COL6A6: variants seen among roughly 807,000 people sequenced by gnomAD.
COL6A6 encodes collagen alpha-6(VI) chain.
In COL6A6, 183 loss-of-function variants were observed where a neutral mutation model predicts 208.6. That is an observed-to-expected ratio of 0.88 (90% CI 0.78 to 0.99). The LOEUF (loss-of-function observed/expected upper bound fraction) is 0.99. COL6A6 is among the 50% of genes least tolerant of loss of function. The probability of loss-of-function intolerance (pLI) is 0.00; values close to 1 mark genes in which losing one functional copy is unlikely to be tolerated. For missense variants in COL6A6, 2,816 were observed against 2,815.2 expected (o/e 1.00, Z -0.01); for synonymous variants, 973 against 1,011.8 (o/e 0.96, Z 0.73).
intron 1 of COL6A6, among the ~76,000 whole-genome samples, chr3:130,539,969 C>T (rs2062322128): frequency 6.6e-6 from 1 of 152,066 alleles, no homozygotes; most frequent in Admixed American, 6.5e-5. Context: ...AATTCTAACC[C>T]ACAGTTCATT....
intron 1 of COL6A6, among the ~76,000 whole-genome samples, chr3:130,527,470 G>A (rs564150638): frequency 6.6e-6 from 1 of 152,264 alleles, no homozygotes; most frequent in Admixed American, 6.5e-5. Flanking sequence ...CCCCCGCCAA[G>A]GGCATTTTGA....
At chr3:130,546,214 C>T (rs763874764) in intron 1 of COL6A6, among the ~76,000 whole-genome samples, 5 of 152,048 alleles carry the variant, frequency 3.3e-5, no homozygotes, top group African/African-American at 4.8e-5. Flanking sequence ...TTCTGACGTT[C>T]GGATGTGTTT....
intron 23 of COL6A6, among the ~76,000 whole-genome samples, chr3:130,614,924 A>G (rs6439251): frequency 0.32 from 48,478 of 151,632 alleles, 9,773 homozygotes; most frequent in African/African-American, 0.54. Flanking sequence ...GGTCTAGCTG[A>G]CTAGTCTATC....
At chr3:130,656,850 G>A (rs2065803812) in intron 33 of COL6A6, among the ~76,000 whole-genome samples, 1 of 152,260 alleles carries the variant, frequency 6.6e-6, no homozygotes. Context: ...CCCATGGTGT[G>A]TGCACACCTG....
intron 32 of COL6A6, among the ~76,000 whole-genome samples, chr3:130,648,265 T>C (rs957481050): frequency 3.3e-5 from 5 of 152,262 alleles, no homozygotes; most frequent in African/African-American, 1.2e-4. Flanking sequence ...ATGTATCTGT[T>C]AAAGCTTTCC....
chr3:130,535,481 C>T (rs2062201584), intron 1 of COL6A6, among the ~76,000 whole-genome samples: 1 of 151,884 alleles, frequency 6.6e-6, no homozygotes. Context: ...TTTTATTAGC[C>T]AGTGGTCTTG....
chr3:130,666,469 A>T (rs77447008), intron 36 of COL6A6, among the ~76,000 whole-genome samples: 1,729 of 152,260 alleles, frequency 0.011, 16 homozygotes, highest in Non-Finnish European at 0.016. Flanking sequence ...GAATGAATAT[A>T]TGTGTACATT....
At chr3:130,615,359 G>T (rs2064486221) in intron 23 of COL6A6, among the ~76,000 whole-genome samples, 1 of 152,070 alleles carries the variant, frequency 6.6e-6, no homozygotes, top group African/African-American at 2.4e-5. Context: ...ATTTCTGATT[G>T]TGTGGTCAAT....
chr3:130,581,509 A>T (rs967662215), intron 8 of COL6A6, 52 bp from the exon 9 acceptor site: 1 of 1,335,976 alleles, frequency 7.5e-7, no homozygotes, highest in Non-Finnish European at 1.0e-6. Context: ...TGTCTGAGTT[A>T]AATAAAGGCG....
chr3:130,524,819 TAAAGTCCCCCTTGAG>T (rs1272489959), intron 1 of COL6A6, among the ~76,000 whole-genome samples: 1 of 152,194 alleles, frequency 6.6e-6, no homozygotes, highest in Non-Finnish European at 1.5e-5. Flanking sequence ...CCATCCCTGC[TAAAGTCCCCCTTGAG>T]AAAGGAGATG....
At chr3:130,593,762 G>A (rs189760221) in intron 17 of COL6A6, among the ~76,000 whole-genome samples, 1 of 152,280 alleles carries the variant, frequency 6.6e-6, no homozygotes, top group East Asian at 1.9e-4. Flanking sequence ...AAGAACTGGG[G>A]CCATCAATGA....
chr3:130,642,241 A>ATG (rs1435927175), intron 29 of COL6A6, among the ~76,000 whole-genome samples: 8 of 96,906 alleles, frequency 8.3e-5, no homozygotes, highest in African/African-American at 3.9e-4. Flanking sequence ...CTGACAGATT[A>ATG]TATGTGTGTG....
rs367755487 is a variant in COL6A6 at position 130,579,283 on chromosome 3, A to G, written c.3548-2278A>G. 8.5e-5 allele frequency among the ~76,000 whole-genome samples: 13 copies of G among 152,328 alleles called. No homozygotes were observed. The South Asian group carries it at 1.2e-3, about 15-fold the overall frequency. ...GGGCTTGGCAGGAAACAATGAGACT[A>G]TAACTGTCTGATCCAATTCACTCTT... On this transcript the variant is annotated intron_variant, in intron 8 of 36. Coordinates refer to ENST00000358511, the MANE Select transcript of COL6A6 (RefSeq NM_001102608.3).
At chr3:130,582,306 C>T (rs146011747) in intron 10 of COL6A6, among the ~76,000 whole-genome samples, 6 of 152,282 alleles carry the variant, frequency 3.9e-5, no homozygotes, top group Non-Finnish European at 8.8e-5. Context: ...TCCTTTGTTT[C>T]ATATTACTGT....
chr3:130,620,791 G>A (rs7642194), intron 23 of COL6A6, among the ~76,000 whole-genome samples: 54,074 of 151,872 alleles, frequency 0.36, 13,234 homozygotes, highest in African/African-American at 0.68. Context: ...ATTTGCAAGT[G>A]TCATGCTCAT....
intron 23 of COL6A6, among the ~76,000 whole-genome samples, chr3:130,620,466 G>T (rs1026745072): frequency 6.6e-6 from 1 of 152,156 alleles, no homozygotes; most frequent in Non-Finnish European, 1.5e-5. Context: ...CAAAAAAGGT[G>T]AGGGCAAAAA....
intron 1 of COL6A6, among the ~76,000 whole-genome samples, chr3:130,522,353 C>T (rs1345666169): frequency 6.6e-6 from 1 of 152,120 alleles, no homozygotes; most frequent in Non-Finnish European, 1.5e-5. Flanking sequence ...GACTCCAGAA[C>T]AATGAGGGTT....
rs192439303 is a variant in COL6A6, at chr3:130,592,822, A to T, written c.4371+100A>T. The T allele has an allele frequency of 1.8e-5, 22 of 1,194,070 alleles. No individual in the cohort carries two copies. In the Admixed American group the frequency reaches 4.9e-4, roughly 27 times the overall value. The allele number at this position is 1,194,070 out of a possible 1,614,324, so 74.0% of individuals were successfully genotyped here. ...AGTAAATTATACAAATAAAGTTGTC[A>T]TTGACTTTCCTTTTTTATTGCCAGC... On this transcript the variant is annotated intron_variant, in intron 15 of 36. Coordinates refer to ENST00000358511, the MANE Select transcript of COL6A6 (RefSeq NM_001102608.3).
intron 20 of COL6A6, 79 bp downstream of exon 20, chr3:130,599,889 G>T: frequency 1.5e-6 from 2 of 1,339,744 alleles, no homozygotes; most frequent in South Asian, 2.4e-5. Flanking sequence ...TTGGGGGAGT[G>T]GGTGGGATGG....
Sources: allele counts gnomAD v4.1 joint callset (sites outside exome capture counted in the v4.1 genomes callset), GRCh38; gene constraint gnomAD v4.1.1; transcripts MANE v1.5; gene names NCBI Gene and HGNC (gene_info 2026-07-23, HGNC 2026-07-21).